CDH13: variants seen among roughly 807,000 people sequenced by gnomAD.
CDH13 encodes cadherin 13, also known as cadherin-13.
In CDH13, 24 loss-of-function variants were observed where a neutral mutation model predicts 63.8. The observed-to-expected ratio is 0.38, with a 90% CI of 0.27 to 0.53. The LOEUF (loss-of-function observed/expected upper bound fraction) is 0.53, where lower values mean the gene tolerates loss of function less well. CDH13 is among the 20% of genes least tolerant of loss of function. The pLI, the probability that CDH13 is intolerant of heterozygous loss-of-function variation, is 0.85. For synonymous variants in CDH13, 503 were observed against 355.3 expected (o/e 1.42, Z -4.67); for missense variants, 1,049 against 903.1 (o/e 1.16, Z -2.07).
At chr16:83,632,336 A>G (rs1460468509) in intron 8 of CDH13, among the ~76,000 whole-genome samples, 1 of 151,626 alleles carries the variant, frequency 6.6e-6, no homozygotes, top group East Asian at 1.9e-4. Flanking sequence ...AGCCCCTCTT[A>G]GGTATTGCAC....
chr16:83,613,074 G>T (rs181746009), intron 8 of CDH13, among the ~76,000 whole-genome samples: 5 of 152,170 alleles, frequency 3.3e-5, no homozygotes, highest in African/African-American at 1.2e-4. Flanking sequence ...GTAAAATCTT[G>T]GTTGCCAGTT....
intron 1 of CDH13, among the ~76,000 whole-genome samples, chr16:82,788,459 G>A (rs575760039): frequency 2.6e-4 from 39 of 151,888 alleles, no homozygotes; most frequent in African/African-American, 8.4e-4. Flanking sequence ...ATTTTCCAGC[G>A]TCACTCTCAG....
intron 6 of CDH13, among the ~76,000 whole-genome samples, chr16:83,385,151 A>G (rs1045600981): frequency 1.3e-5 from 2 of 152,348 alleles, no homozygotes; most frequent in Admixed American, 6.5e-5. Context: ...TTCATCCTAT[A>G]AAAGTAAGGG....
At chr16:82,634,100 C>T (rs1208549800) in intron 1 of CDH13, among the ~76,000 whole-genome samples, 1 of 152,252 alleles carries the variant, frequency 6.6e-6, no homozygotes, top group Non-Finnish European at 1.5e-5. Flanking sequence ...CCTGTGTCTC[C>T]TAGCTGAACG....
intron 1 of CDH13, among the ~76,000 whole-genome samples, chr16:82,642,651 C>T (rs563234456): frequency 5.9e-5 from 9 of 152,252 alleles, no homozygotes; most frequent in East Asian, 5.8e-4. Context: ...TTCTGTTTAT[C>T]TTTGGATTCC....
At chr16:82,909,252 A>ATATGTGTGTGTGTG (rs1428605467) in intron 2 of CDH13, among the ~76,000 whole-genome samples, 8 of 146,948 alleles carry the variant, frequency 5.4e-5, no homozygotes, top group Non-Finnish European at 9.0e-5. Flanking sequence ...CTGACTGTAT[A>ATATGTGTGTGTGTG]TGTGTGTGTG....
chr16:83,716,033 C>T (rs1189816160), intron 10 of CDH13, among the ~76,000 whole-genome samples: 2 of 152,172 alleles, frequency 1.3e-5, no homozygotes, highest in Non-Finnish European at 2.9e-5. Flanking sequence ...GTACAGTCTT[C>T]CATTTTGCTG....
chr16:82,955,556 A>T (rs1471583687), intron 2 of CDH13, among the ~76,000 whole-genome samples: 1 of 152,076 alleles, frequency 6.6e-6, no homozygotes, highest in Admixed American at 6.6e-5. Flanking sequence ...ATTTTAAAGC[A>T]TATACAGGTG....
At chr16:82,716,786 A>G (rs2032404185) in intron 1 of CDH13, among the ~76,000 whole-genome samples, 4 of 151,612 alleles carry the variant, frequency 2.6e-5, no homozygotes, top group African/African-American at 9.7e-5. Context: ...TAATGAGCCC[A>G]GACTTCACCC....
intron 1 of CDH13, among the ~76,000 whole-genome samples, chr16:82,772,074 C>A (rs1344284504): frequency 3.3e-5 from 5 of 152,122 alleles, no homozygotes; most frequent in African/African-American, 1.2e-4. Flanking sequence ...ACACAGATGC[C>A]CTTGATGTGC....
At chr16:83,348,423 T>G (rs904291607) in intron 6 of CDH13, among the ~76,000 whole-genome samples, 1 of 152,186 alleles carries the variant, frequency 6.6e-6, no homozygotes, top group South Asian at 2.1e-4. Flanking sequence ...TTGTCACCAC[T>G]CATGTCACTT....
chr16:82,855,157 C>A lies in CDH13; in HGVS notation c.46-3205C>A, dbSNP rs1029534831. On this transcript the variant is annotated intron_variant, in intron 1 of 13. Coordinates refer to ENST00000567109, the MANE Select transcript of CDH13 (RefSeq NM_001257.5). Reference sequence around the variant, plus strand: ...GCCTTTGGGGCTTCTCCTACTGCTCCCCTCTTCCCTAAGAGTCAGCAGCTG... The same window carrying A: ...GCCTTTGGGGCTTCTCCTACTGCTCACCTCTTCCCTAAGAGTCAGCAGCTG... Among the ~76,000 whole-genome samples, 4 of 152,148 alleles carry A rather than the reference C, an allele frequency of 2.6e-5. No individual in the cohort carries two copies. The South Asian group carries it at 8.3e-4, about 32-fold the overall frequency.
intron 10 of CDH13, among the ~76,000 whole-genome samples, chr16:83,725,031 C>T (rs1233527218): frequency 2.6e-5 from 4 of 152,192 alleles, no homozygotes; most frequent in Non-Finnish European, 4.4e-5. Context: ...CATCCAGTTT[C>T]ACTCAGTCTA....
At chr16:82,879,578 A>G (rs1194395179) in intron 2 of CDH13, among the ~76,000 whole-genome samples, 2 of 141,708 alleles carry the variant, frequency 1.4e-5, no homozygotes, top group Non-Finnish European at 3.0e-5. Context: ...TTTATATACA[A>G]TATTATATAT....
chr16:83,026,951 G>A (rs1021903411), intron 2 of CDH13, among the ~76,000 whole-genome samples: 1 of 152,106 alleles, frequency 6.6e-6, no homozygotes, highest in Non-Finnish European at 1.5e-5. Flanking sequence ...GATACACACG[G>A]GGTCCAGGGG....
At chr16:83,477,006 G>T (rs956695750) in intron 6 of CDH13, among the ~76,000 whole-genome samples, 61 of 152,256 alleles carry the variant, frequency 4.0e-4, no homozygotes, top group African/African-American at 1.3e-3. Context: ...ATAAAAGGAA[G>T]AAATTAGGAC....
At chr16:83,520,081 C>A (rs1166186836) in intron 7 of CDH13, among the ~76,000 whole-genome samples, 1 of 152,106 alleles carries the variant, frequency 6.6e-6, no homozygotes, top group African/African-American at 2.4e-5. Context: ...ATATCAAGTG[C>A]TGACAAGTAT....
At chr16:83,566,452 T>G (rs1247344242) in intron 7 of CDH13, among the ~76,000 whole-genome samples, 1 of 152,158 alleles carries the variant, frequency 6.6e-6, no homozygotes, top group Non-Finnish European at 1.5e-5. Context: ...CGAAACACCC[T>G]TCCAGCCACA....
In CDH13 at chr16:83,012,098, C is replaced by A. The variant is rs1914221201; in HGVS notation, c.158-19912C>A. 2.0e-5 allele frequency among the ~76,000 whole-genome samples: 3 copies of A among 152,142 alleles called. No homozygotes were observed. The East Asian group carries it at 5.8e-4, about 29-fold the overall frequency. ...TTGAAAGAGGAACTCATTGGTGATA[C>A]ACTGGCTTAAAAAACTTTAGGAATT... On this transcript the variant is annotated intron_variant, in intron 2 of 13. Coordinates refer to ENST00000567109, the MANE Select transcript of CDH13 (RefSeq NM_001257.5).
Sources: allele counts gnomAD v4.1 joint callset (sites outside exome capture counted in the v4.1 genomes callset), GRCh38; gene constraint gnomAD v4.1.1; transcripts MANE v1.5; gene names NCBI Gene and HGNC (gene_info 2026-07-23, HGNC 2026-07-21).